The following GATB variants were observed in gnomAD, a reference collection of about 807,000 sequenced individuals.
GATB encodes glutamyl-tRNA(Gln) amidotransferase subunit B, mitochondrial.
GATB carries 39 observed loss-of-function variants against 62.3 expected under a neutral mutation model. The observed-to-expected ratio is 0.63, with a 90% CI of 0.48 to 0.82. GATB has a LOEUF of 0.82. Among genes scored for constraint, GATB ranks in the 40% least tolerant of loss-of-function variants. The pLI, the probability that GATB is intolerant of heterozygous loss-of-function variation, is 0.00. For synonymous variants in GATB, 276 were observed against 258.9 expected (o/e 1.07, Z -0.63); for missense variants, 670 against 684.0 (o/e 0.98, Z 0.23).
chr4:151,712,293 A>T (rs1404869578), intron 5 of GATB, among the ~76,000 whole-genome samples: 1 of 152,154 alleles, frequency 6.6e-6, no homozygotes, highest in Non-Finnish European at 1.5e-5. Flanking sequence ...CTTTTAAACA[A>T]ATTAAGTTAA....
intron 9 of GATB, among the ~76,000 whole-genome samples, chr4:151,691,374 T>C (rs763508708): frequency 2.0e-5 from 3 of 152,222 alleles, no homozygotes; most frequent in African/African-American, 4.8e-5. Context: ...GTCTTTTGTA[T>C]AATACCTGAC....
chr4:151,709,970 T>C (rs1466770583), intron 5 of GATB, among the ~76,000 whole-genome samples: 2 of 152,156 alleles, frequency 1.3e-5, no homozygotes, highest in Non-Finnish European at 2.9e-5. Context: ...TACACAACCC[T>C]GTCTGCTCCA....
At chr4:151,722,385 T>A in intron 2 of GATB, 2 of 574,096 alleles carry the variant, frequency 3.5e-6, no homozygotes, top group South Asian at 4.5e-5. Flanking sequence ...CTGCTAAAAT[T>A]GTGGATCTGT....
chr4:151,680,950 A>G (rs528195961), intron 10 of GATB, among the ~76,000 whole-genome samples: 14 of 152,228 alleles, frequency 9.2e-5, no homozygotes, highest in South Asian at 2.1e-4. Flanking sequence ...GATGCTGCCT[A>G]TCTGAGATCA....
At chr4:151,732,846 CTA>C (rs1417915042) in intron 2 of GATB, among the ~76,000 whole-genome samples, 1 of 149,090 alleles carries the variant, frequency 6.7e-6, no homozygotes, top group Non-Finnish European at 1.5e-5. Flanking sequence ...ATATTAAAAA[CTA>C]TGTAGAAATA....
intron 1 of GATB, 44 bp from the exon 2 acceptor site, chr4:151,758,966 C>G: frequency 7.1e-7 from 1 of 1,410,110 alleles, no homozygotes; most frequent in Non-Finnish European, 9.7e-7. Context: ...ATATTTGTCA[C>G]CATGAATGAA....
chr4:151,694,629 T>C (rs571883376), intron 9 of GATB, among the ~76,000 whole-genome samples: 1 of 152,258 alleles, frequency 6.6e-6, no homozygotes, highest in African/African-American at 2.4e-5. Flanking sequence ...TGCCTGATGA[T>C]GTTGACCAAA....
chr4:151,704,508 C>CA (rs950273966), intron 7 of GATB, among the ~76,000 whole-genome samples: 3 of 151,796 alleles, frequency 2.0e-5, no homozygotes, highest in Non-Finnish European at 4.4e-5. Flanking sequence ...GGCTGGAGTG[C>CA]AGTGGCACTA....
At chr4:151,760,656 G>T in intron 1 of GATB, 151 bp downstream of exon 1, 1 of 566,958 alleles carries the variant, frequency 1.8e-6, no homozygotes, top group Non-Finnish European at 2.9e-6. Flanking sequence ...GTCTGTTTGT[G>T]CTTTTATTTA....
At position 151,672,841 on chromosome 4, in the gene GATB, T is replaced by C. The variant is rs745540401; in HGVS notation, c.1466A>G (p.Glu489Gly). The C allele has an allele frequency of 6.2e-7, 1 of 1,614,214 alleles. No homozygotes were observed. Among genetic ancestry groups the C allele is most frequent in the Admixed American group, 1.7e-5 (1 of 60,030 alleles). Reference protein sequence around the residue: ...EGKTPGQIVSEKQLELMQDQG... With the variant: ...EGKTPGQIVSGKQLELMQDQG... ...GTCCTGCATCAGTTCAAGCTGCTTT[T>C]CTGAAACAATCTGCCCTGGAGTCTT... Residue 489 changes from glutamate (E) to glycine (G), a missense_variant, in exon 12 of 13, where the codon GAA (glutamate) becomes GGA (glycine). Glu to Gly is a moderately conservative substitution (Grantham distance 98, BLOSUM62 -2). Coordinates refer to ENST00000263985, the MANE Select transcript of GATB (RefSeq NM_004564.3).
chr4:151,752,804 T>C (rs1025342129), intron 2 of GATB, among the ~76,000 whole-genome samples: 7 of 152,220 alleles, frequency 4.6e-5, no homozygotes, highest in African/African-American at 1.7e-4. Flanking sequence ...TCTCCTCAAG[T>C]GCCTGGTGAT....
intron 11 of GATB, among the ~76,000 whole-genome samples, chr4:151,679,432 AC>A (rs1168045678): frequency 6.6e-6 from 1 of 152,110 alleles, no homozygotes; most frequent in Non-Finnish European, 1.5e-5. Flanking sequence ...GAGCCCTGGG[AC>A]TGGCTGGGAG....
chr4:151,671,438 A>G (rs1350246966), intron 12 of GATB, 136 bp from the exon 13 acceptor site: 4 of 817,932 alleles, frequency 4.9e-6, no homozygotes, highest in Non-Finnish European at 7.6e-6. Flanking sequence ...AATGTAGAAC[A>G]GAAAAAGGGG....
At chr4:151,737,297 T>C (rs1211462118) in intron 2 of GATB, among the ~76,000 whole-genome samples, 3 of 152,224 alleles carry the variant, frequency 2.0e-5, no homozygotes, top group African/African-American at 7.2e-5. Flanking sequence ...TGTTATGTTT[T>C]AGCAAAGAGA....
At chr4:151,745,694 C>T (rs931365015) in intron 2 of GATB, among the ~76,000 whole-genome samples, 5 of 152,186 alleles carry the variant, frequency 3.3e-5, no homozygotes, top group South Asian at 2.1e-4. Flanking sequence ...ATTTCTTCCC[C>T]TCTTCATTCC....
chr4:151,752,498 C>T (rs1334087116), intron 2 of GATB, among the ~76,000 whole-genome samples: 2 of 152,114 alleles, frequency 1.3e-5, no homozygotes, highest in African/African-American at 4.8e-5. Flanking sequence ...CAATGCACTG[C>T]ACATTGGTTT....
chr4:151,676,464 C>G (rs1359590503), intron 11 of GATB: 1 of 152,232 alleles, frequency 6.6e-6, no homozygotes, highest in Non-Finnish European at 1.5e-5. Flanking sequence ...ACCTACACAA[C>G]CCATGCGATT....
chr4:151,731,450 G>C (rs894385472), intron 2 of GATB, among the ~76,000 whole-genome samples: 16 of 152,316 alleles, frequency 1.1e-4, no homozygotes, highest in African/African-American at 3.6e-4. Flanking sequence ...GCAGTGGCGT[G>C]ATCTCGGCTA....
At chr4:151,704,909 C>T (rs1407723562) in intron 7 of GATB, among the ~76,000 whole-genome samples, 1 of 150,166 alleles carries the variant, frequency 6.7e-6, no homozygotes, top group African/African-American at 2.5e-5. Flanking sequence ...TCACCATGCC[C>T]GGCTAATTTT....
Sources: allele counts gnomAD v4.1 joint callset (sites outside exome capture counted in the v4.1 genomes callset), GRCh38; gene constraint gnomAD v4.1.1; transcripts MANE v1.5; gene names NCBI Gene and HGNC (gene_info 2026-07-23, HGNC 2026-07-21).